Variants in STRN observed in about 807,000 individuals in gnomAD.
The protein encoded by STRN is striatin.
STRN carries 53 observed loss-of-function variants against 96.3 expected under a neutral mutation model. The ratio of observed to expected loss-of-function variants is 0.55; its 90% CI spans 0.44 to 0.69. STRN has a LOEUF of 0.69. Among genes scored for constraint, STRN ranks in the 30% least tolerant of loss-of-function variants. The pLI, the probability that STRN is intolerant of heterozygous loss-of-function variation, is 0.00. For synonymous variants in STRN, 428 were observed against 355.9 expected (o/e 1.20, Z -2.28); for missense variants, 987 against 963.9 (o/e 1.02, Z -0.32).
chr2:36,910,705 T>C (rs532286490), intron 3 of STRN, among the ~76,000 whole-genome samples: 3 of 152,264 alleles, frequency 2.0e-5, no homozygotes, highest in African/African-American at 7.2e-5. Flanking sequence ...CAAAATGAAT[T>C]ACAAAGGTAG....
At chr2:36,868,686 C>G (rs1406359255) in intron 11 of STRN, among the ~76,000 whole-genome samples, 2 of 152,178 alleles carry the variant, frequency 1.3e-5, no homozygotes, top group Non-Finnish European at 2.9e-5. Flanking sequence ...ACTGATAAAT[C>G]AAGTATTTCA....
intron 1 of STRN, among the ~76,000 whole-genome samples, chr2:36,956,320 C>G (rs1432655077): frequency 6.6e-6 from 1 of 152,086 alleles, no homozygotes; most frequent in Non-Finnish European, 1.5e-5. Context: ...TTACAGCGAT[C>G]CTGCTTAGTA....
chr2:36,939,516 C>T lies in STRN; in HGVS notation c.235-14308G>A, dbSNP rs554568796. The stretch of plus-strand genomic sequence containing the variant: ...AAATAGATTCAAAAAAGGCATTCAA[C>T]AAAATTCAACATCTATTCTTTCCTT... On this transcript the variant is annotated intron_variant, in intron 1 of 17. Coordinates refer to ENST00000263918, the MANE Select transcript of STRN (RefSeq NM_003162.4). 3.3e-5 allele frequency among the ~76,000 whole-genome samples: 5 copies of T among 152,164 alleles called. No homozygotes were observed. The East Asian group carries it at 7.7e-4, about 23-fold the overall frequency.
At chr2:36,947,571 A>T (rs4670640) in intron 1 of STRN, among the ~76,000 whole-genome samples, 6,034 of 146,604 alleles carry the variant, frequency 0.041, 184 homozygotes, top group East Asian at 0.13. Flanking sequence ...CATATATATT[A>T]TATATATATA....
chr2:36,917,054 AAAAAT>A (rs1670120663), intron 2 of STRN, among the ~76,000 whole-genome samples: 1 of 148,366 alleles, frequency 6.7e-6, no homozygotes, highest in Non-Finnish European at 1.5e-5. Flanking sequence ...TAAAAAAATA[AAAAAT>A]AAAAATAAAT....
At chr2:36,930,851 G>A (rs1400053986) in intron 1 of STRN, among the ~76,000 whole-genome samples, 1 of 151,740 alleles carries the variant, frequency 6.6e-6, no homozygotes, top group East Asian at 1.9e-4. Context: ...TGGCCAACAT[G>A]GTAAAACCCC....
rs759487799 is a variant in STRN at position 36,899,505 on chromosome 2, A to G, written c.795+18T>C. 2 of 1,600,712 alleles carry G rather than the reference A, an allele frequency of 1.2e-6. No homozygotes were observed. The highest frequency in any genetic ancestry group is 8.5e-7 in the Non-Finnish European group (1 of 1,175,150). On this transcript the variant is annotated intron_variant, in intron 6 of 17. Transcript: ENST00000263918. ...TAGTCCCTAAAAATATTTATATTGT[A>G]TGAGTTATCTAACTCACTGTTGAAG...
At chr2:36,922,674 T>C (rs548731612) in intron 2 of STRN, among the ~76,000 whole-genome samples, 7 of 152,284 alleles carry the variant, frequency 4.6e-5, no homozygotes, top group African/African-American at 1.7e-4. Flanking sequence ...ACCAACATCC[T>C]ACTCTCCACA....
chr2:36,951,517 ATGAC>A (rs1270344609), intron 1 of STRN, among the ~76,000 whole-genome samples: 11 of 152,246 alleles, frequency 7.2e-5, no homozygotes, highest in African/African-American at 2.7e-4. Context: ...CACTAAATTT[ATGAC>A]AAACATGGTA....
In STRN at chr2:36,966,530, G is replaced by A. The variant is rs1665171328; in HGVS notation, c.-67C>T. 4.4e-6 allele frequency: 6 copies of A among 1,355,268 alleles called. No homozygotes were observed. The highest frequency in any genetic ancestry group is 5.7e-6 in the Non-Finnish European group (6 of 1,058,172). 84.0% of individuals were successfully genotyped at this position (1,355,268 alleles called of 1,614,324 possible). A position where few individuals can be genotyped will look rare whatever the true frequency, so the allele number is the denominator to read the frequency against. On this transcript the variant is annotated 5_prime_UTR_variant, in exon 1 of 18. Coordinates refer to ENST00000263918, the MANE Select transcript of STRN (RefSeq NM_003162.4). ...GCGGAGGCAACAGCGGCGGCAAGCAGCGCCTCCTCCTCCCTCCGCCGCTCC... is the reference window on the plus strand; with the variant it reads ...GCGGAGGCAACAGCGGCGGCAAGCAACGCCTCCTCCTCCCTCCGCCGCTCC...
intron 1 of STRN, among the ~76,000 whole-genome samples, chr2:36,928,675 T>G (rs1372551752): frequency 7.2e-6 from 1 of 138,426 alleles, no homozygotes; most frequent in African/African-American, 2.8e-5. Context: ...CAGGGCGCAG[T>G]GGCTCACTCC....
At chr2:36,888,891 C>T (rs1021084456) in intron 7 of STRN, among the ~76,000 whole-genome samples, 1 of 151,860 alleles carries the variant, frequency 6.6e-6, no homozygotes, top group African/African-American at 2.4e-5. Flanking sequence ...ACTATGTTGC[C>T]CAGGCTGGTC....
At chr2:36,939,271 T>C (rs1239031864) in intron 1 of STRN, among the ~76,000 whole-genome samples, 1 of 152,066 alleles carries the variant, frequency 6.6e-6, no homozygotes, top group Non-Finnish European at 1.5e-5. Context: ...GGATACACTG[T>C]ACTGACATTC....
chr2:36,932,834 C>A (rs1311226448), intron 1 of STRN, among the ~76,000 whole-genome samples: 2 of 152,296 alleles, frequency 1.3e-5, no homozygotes, highest in Middle Eastern at 3.4e-3. Flanking sequence ...AAACCCTCAA[C>A]TGCCCAAATT....
At chr2:36,851,171 C>A in intron 15 of STRN, 64 bp from the exon 16 acceptor site, 4 of 1,393,496 alleles carry the variant, frequency 2.9e-6, no homozygotes, top group East Asian at 2.3e-5. Flanking sequence ...CAAAGGAGAA[C>A]TGAATTATCT....
rs1668133485 is a variant in STRN at position 36,848,351 on chromosome 2, T to C, written c.*1105A>G. The C allele has an allele frequency of 6.6e-6, 1 of 152,238 alleles. No individual in the cohort carries two copies. Among genetic ancestry groups the C allele is most frequent in the South Asian group, 2.1e-4 (1 of 4,832 alleles). The allele number at this position is 152,238 out of a possible 1,614,324, so 9.4% of individuals were successfully genotyped here. On this transcript the variant is annotated 3_prime_UTR_variant, in exon 18 of 18. Transcript: ENST00000263918. ...TTCTAGGGTACAAAATATTTGTTTTTATTAGTGCTTCTGCAAAAGCAGCTG... is the reference window on the plus strand; with the variant it reads ...TTCTAGGGTACAAAATATTTGTTTTCATTAGTGCTTCTGCAAAAGCAGCTG...
chr2:36,936,176 T>C (rs376556657), intron 1 of STRN, among the ~76,000 whole-genome samples: 7 of 152,332 alleles, frequency 4.6e-5, no homozygotes, highest in African/African-American at 1.7e-4. Context: ...TGCTTGCTTA[T>C]GTTCCTATTT....
chr2:36,941,990 T>C (rs1670856957), intron 1 of STRN, among the ~76,000 whole-genome samples: 1 of 152,162 alleles, frequency 6.6e-6, no homozygotes, highest in Non-Finnish European at 1.5e-5. Flanking sequence ...TTCTAACTTG[T>C]AGCTTCCCAC....
chr2:36,964,171 T>G (rs1246462523), intron 1 of STRN, among the ~76,000 whole-genome samples: 3 of 77,014 alleles, frequency 3.9e-5, no homozygotes, highest in South Asian at 9.6e-4. Flanking sequence ...GGAGAGGGAG[T>G]GAACGGGGCG....
Sources: allele counts gnomAD v4.1 joint callset (sites outside exome capture counted in the v4.1 genomes callset), GRCh38; gene constraint gnomAD v4.1.1; transcripts MANE v1.5; gene names NCBI Gene and HGNC (gene_info 2026-07-23, HGNC 2026-07-21).